NFIB: variants seen among roughly 807,000 people sequenced by gnomAD.
The protein encoded by NFIB is nuclear factor I B.
In NFIB, 11 loss-of-function variants were observed where a neutral mutation model predicts 61.5. The observed-to-expected ratio is 0.18, with a 90% CI of 0.11 to 0.30. NFIB has a LOEUF of 0.30. Among genes scored for constraint, NFIB ranks in the 10% least tolerant of loss-of-function variants. The pLI is 1.00. For missense variants in NFIB, 471 were observed against 608.9 expected (o/e 0.77, Z 2.38); for synonymous variants, 260 against 216.5 (o/e 1.20, Z -1.76).
intron 1 of NFIB, among the ~76,000 whole-genome samples, chr9:14,355,744 C>A (rs10961484): frequency 0.026 from 3,943 of 152,248 alleles, 94 homozygotes; most frequent in East Asian, 0.11. Flanking sequence ...ATCACAAGGT[C>A]AGGAGTTCGA....
At chr9:14,439,949 GAGA>G in the NFIB span, among the ~76,000 whole-genome samples, 1 of 152,230 alleles carries the variant, frequency 6.6e-6, no homozygotes, top group Non-Finnish European at 1.5e-5. Flanking sequence ...GGCAGGGCAG[GAGA>G]AGAACTTTGG....
chr9:14,351,832 A>G (rs547688328), intron 1 of NFIB, among the ~76,000 whole-genome samples: 24 of 152,324 alleles, frequency 1.6e-4, no homozygotes, highest in African/African-American at 5.1e-4. Flanking sequence ...TTACAGATAA[A>G]GAAACTGAGG....
At chr9:14,421,586 A>T in the NFIB span, among the ~76,000 whole-genome samples, 1 of 152,232 alleles carries the variant, frequency 6.6e-6, no homozygotes, top group Non-Finnish European at 1.5e-5. Flanking sequence ...AATGTCAGTT[A>T]TCTTATCTAC....
chr9:14,429,620 C>T, the NFIB span, among the ~76,000 whole-genome samples: 131 of 152,176 alleles, frequency 8.6e-4, no homozygotes, highest in Middle Eastern at 3.2e-3. Flanking sequence ...CCTCAATTCT[C>T]GGATCCTGTG....
chr9:14,424,589 A>G, the NFIB span, among the ~76,000 whole-genome samples: 4 of 152,140 alleles, frequency 2.6e-5, no homozygotes, highest in African/African-American at 7.2e-5. Flanking sequence ...TATTATCTCA[A>G]AAGTGACAGC....
Position 14,083,111 on chromosome 9 carries a change from A to C in NFIB, c.*5198T>G, listed in dbSNP as rs77540040. The C allele has an allele frequency of 0.018, 3,501 of 197,262 alleles. 153 individuals carry two copies. The highest frequency in any genetic ancestry group is 0.11 in the East Asian group (1,417 of 13,414). The allele number at this position is 197,262 out of a possible 1,614,324, so 12.2% of individuals were successfully genotyped here. A position where few individuals can be genotyped will look rare whatever the true frequency, so the allele number is the denominator to read the frequency against. Reference sequence around the variant, plus strand: ...CTTTTATTATTAAAAAAAAAAAAAAACTACTTACAACCATTGAAGAAAAAA... The same window carrying C: ...CTTTTATTATTAAAAAAAAAAAAAACCTACTTACAACCATTGAAGAAAAAA... On this transcript the variant is annotated 3_prime_UTR_variant, in exon 11 of 11. Transcript: ENST00000380953.
intron 2 of NFIB, among the ~76,000 whole-genome samples, chr9:14,196,986 T>C (rs2131597686): frequency 6.6e-6 from 1 of 152,342 alleles, no homozygotes; most frequent in East Asian, 1.9e-4. Context: ...GCAAAATCCA[T>C]TTCATATACA....
chr9:14,384,359 A>T (rs181287900), intron 1 of NFIB, among the ~76,000 whole-genome samples: 2 of 152,354 alleles, frequency 1.3e-5, no homozygotes. Flanking sequence ...ATGCTGCGAT[A>T]AAATTAGTTC....
At chr9:14,262,702 G>C (rs1040139059) in intron 2 of NFIB, among the ~76,000 whole-genome samples, 4 of 152,150 alleles carry the variant, frequency 2.6e-5, no homozygotes, top group South Asian at 2.1e-4. Context: ...ACTTACTAGA[G>C]ACAGAACCGA....
rs1285159529 is a variant in NFIB at position 14,133,140 on chromosome 9, CT to C, written c.926-7375del. On this transcript the variant is annotated intron_variant, in intron 6 of 10. Transcript: ENST00000380953. ...ATACACCCTCATAATTTTCAAAGTT[CT>C]TCATTTTTTGGACTTTTGAAAGTAT... Among the ~76,000 whole-genome samples the C allele has an allele frequency of 9.2e-5, 14 of 152,122 alleles. No individual in the cohort carries two copies. In the South Asian group the frequency reaches 1.0e-3, roughly 11 times the overall value.
chr9:14,221,534 A>G (rs1178548943), intron 2 of NFIB, among the ~76,000 whole-genome samples: 1 of 152,344 alleles, frequency 6.6e-6, no homozygotes, highest in East Asian at 1.9e-4. Flanking sequence ...CAAGTATATA[A>G]GACCCCAAGG....
At chr9:14,371,475 C>G (rs1390776167) in intron 1 of NFIB, among the ~76,000 whole-genome samples, 1 of 152,308 alleles carries the variant, frequency 6.6e-6, no homozygotes, top group Non-Finnish European at 1.5e-5. Flanking sequence ...GGTTCTGCCA[C>G]TAGTTACTTG....
intron 1 of NFIB, among the ~76,000 whole-genome samples, chr9:14,353,935 C>A (rs528298650): frequency 6.8e-6 from 1 of 147,758 alleles, no homozygotes; most frequent in African/African-American, 2.5e-5. Context: ...GTGGAAAGTA[C>A]GCTCATCTGA....
intron 2 of NFIB, among the ~76,000 whole-genome samples, chr9:14,198,475 A>C (rs1178052256): frequency 6.6e-6 from 1 of 152,208 alleles, no homozygotes; most frequent in Admixed American, 6.5e-5. Flanking sequence ...CCAATTAAAC[A>C]CAGAGCTCCA....
chr9:14,266,836 T>C (rs1202288075), intron 2 of NFIB, among the ~76,000 whole-genome samples: 1 of 152,182 alleles, frequency 6.6e-6, no homozygotes, highest in Non-Finnish European at 1.5e-5. Context: ...AAGCACCAAA[T>C]CTGAAGAATG....
intron 2 of NFIB, among the ~76,000 whole-genome samples, chr9:14,223,268 C>T (rs2051935957): frequency 2.0e-5 from 3 of 152,160 alleles, no homozygotes; most frequent in African/African-American, 7.2e-5. Flanking sequence ...AGCAGGGGCA[C>T]ACTTATGATT....
chr9:14,219,126 C>T (rs2131813032), intron 2 of NFIB, among the ~76,000 whole-genome samples: 1 of 152,212 alleles, frequency 6.6e-6, no homozygotes, highest in South Asian at 2.1e-4. Context: ...AGCCCTTCAT[C>T]TCTCCTAAAT....
the NFIB span, among the ~76,000 whole-genome samples, chr9:14,446,252 A>G: frequency 1.3e-5 from 2 of 152,208 alleles, no homozygotes; most frequent in Middle Eastern, 3.2e-3. Flanking sequence ...GTTTAGGATT[A>G]ACTGGGTTTG....
the NFIB span, among the ~76,000 whole-genome samples, chr9:14,507,324 G>A: frequency 6.6e-6 from 1 of 152,114 alleles, no homozygotes; most frequent in Non-Finnish European, 1.5e-5. Context: ...TTGCATAAGT[G>A]GAGCTTTAAA....
Sources: gnomAD v4.1 joint callset for allele counts (sites outside exome capture counted in the v4.1 genomes callset) on GRCh38, gnomAD v4.1.1 for gene constraint, MANE v1.5 for transcripts, NCBI Gene and HGNC (gene_info 2026-07-23, HGNC 2026-07-21) for gene names.